The following PCDHA5 variants were observed in gnomAD, a reference collection of about 807,000 sequenced individuals.
PCDHA5 encodes the protein protocadherin alpha 5.
PCDHA5 carries 43 observed loss-of-function variants against 61.6 expected under a neutral mutation model. The observed-to-expected ratio is 0.70, with a 90% confidence interval of 0.55 to 0.90. PCDHA5 has a LOEUF of 0.90. Among genes scored for constraint, PCDHA5 ranks in the 40% least tolerant of loss-of-function variants. The pLI, the probability that PCDHA5 is intolerant of heterozygous loss-of-function variation, is 0.00. For missense variants in PCDHA5, 1,298 were observed against 1,222.7 expected, an observed-to-expected ratio of 1.06 and a Z score of -0.92; for synonymous variants, 627 against 543.9, an observed-to-expected ratio of 1.15 and a Z score of -2.13.
At chr5:140,961,347 T>TTGAGAGACCAA (rs2095606709) in intron 1 of PCDHA5, among the ~76,000 whole-genome samples, 1 of 152,216 alleles carries the variant, frequency 6.6e-6, no homozygotes, top group South Asian at 2.1e-4. Flanking sequence ...AGTGGATCCC[T>TTGAGAGACCAA]GTAGTCCCCA....
chr5:140,875,947 G>C (rs1554168112), intron 1 of PCDHA5: 1 of 1,614,184 alleles, frequency 6.2e-7, no homozygotes, highest in Admixed American at 1.7e-5. Flanking sequence ...GGGCGCTTCT[G>C]ATGCGGATAT....
At chr5:140,994,657 A>G (rs2097643468) in intron 3 of PCDHA5, among the ~76,000 whole-genome samples, 1 of 152,166 alleles carries the variant, frequency 6.6e-6, no homozygotes, top group Non-Finnish European at 1.5e-5. Flanking sequence ...GTGAGCTGAG[A>G]TCACACTACT....
intron 1 of PCDHA5, among the ~76,000 whole-genome samples, chr5:140,900,374 T>TCAAGAA (rs1554189115): frequency 1.3e-5 from 2 of 151,622 alleles, no homozygotes; most frequent in Non-Finnish European, 2.9e-5. Flanking sequence ...GCCTCCTGGG[T>TCAAGAA]TCAAGCGATT....
At chr5:140,836,354 C>T in intron 1 of PCDHA5, 2 of 1,613,672 alleles carry the variant, frequency 1.2e-6, no homozygotes, top group South Asian at 1.1e-5. Flanking sequence ...ACGGGGAGCC[C>T]TCGCTGACAG....
intron 1 of PCDHA5, among the ~76,000 whole-genome samples, chr5:140,895,233 A>G (rs2064923914): frequency 3.3e-5 from 5 of 152,070 alleles, no homozygotes; most frequent in Admixed American, 2.6e-4. Context: ...GAGTTTTCTC[A>G]TCTCTCTTTT....
intron 1 of PCDHA5, chr5:140,870,942 G>T (rs782286042): frequency 1.2e-6 from 2 of 1,613,740 alleles, no homozygotes; most frequent in Non-Finnish European, 1.7e-6. Flanking sequence ...TGCAGCCGGC[G>T]GCGGGCGGCT....
chr5:140,971,210 C>G (rs192930872), intron 1 of PCDHA5, among the ~76,000 whole-genome samples: 383 of 152,274 alleles, frequency 2.5e-3, no homozygotes, highest in Non-Finnish European at 3.7e-3. Context: ...CACTGTTACC[C>G]TCCCTCTCCT....
chr5:140,883,850 C>G (rs369951260), intron 1 of PCDHA5: 31 of 1,612,792 alleles, frequency 1.9e-5, no homozygotes, highest in African/African-American at 4.0e-5. Flanking sequence ...CCACGAGGAG[C>G]TGGAGCTGTT....
At position 140,946,611 on chromosome 5, in the gene PCDHA5, A is replaced by AATATATATATATATATAT. The variant is rs1554217734; in HGVS notation, c.2353-32334_2353-32317dup. Among the ~76,000 whole-genome samples, 487 of 86,718 alleles carry AATATATATATATATATAT rather than the reference A, an allele frequency of 5.6e-3. 17 individuals are homozygous for AATATATATATATATATAT. The highest frequency in any genetic ancestry group is 0.01 in the African/African-American group (158 of 15,660). 56.9% of individuals were successfully genotyped at this position (86,718 alleles called of 152,430 possible). The stretch of plus-strand genomic sequence containing the variant: ...GGATGAATAGATAAAGAAAATGTGA[A>AATATATATATATATATAT]ATATATATATATATATATATACAAT... On this transcript the variant is annotated intron_variant, in intron 1 of 3. Coordinates refer to ENST00000529859, the MANE Select transcript of PCDHA5 (RefSeq NM_018908.3).
intron 1 of PCDHA5, chr5:140,864,667 T>G (rs1234979234): frequency 2.6e-5 from 4 of 152,252 alleles, no homozygotes; most frequent in Non-Finnish European, 5.9e-5. Context: ...AATTACCTGT[T>G]GACTTAATTG....
chr5:140,822,739 A>C lies in PCDHA5; in HGVS notation c.964A>C (p.Met322Leu). Residue 322 changes from methionine (M) to leucine (L), a missense_variant, in exon 1 of 4, where the codon ATG becomes CTG. Transcript: ENST00000529859. ...YNSYEINIDA[M>L]DKSTFPLSGH... ...CTCATATGAAATTAATATTGATGCC[A>C]TGGATAAAAGTACATTCCCATTATC... 1 of 1,613,636 alleles carries C rather than the reference A, an allele frequency of 6.2e-7. No homozygotes were observed. Among genetic ancestry groups the C allele is most frequent in the Non-Finnish European group, 8.5e-7 (1 of 1,179,516 alleles).
chr5:140,823,533 G>A lies in PCDHA5; in HGVS notation c.1758G>A (p.Ala586=), dbSNP rs1472583465. 6.2e-6 allele frequency: 10 copies of A among 1,613,648 alleles called. No individual in the cohort carries two copies. Among genetic ancestry groups the A allele is most frequent in the Middle Eastern group, 1.7e-4 (1 of 6,020 alleles). ...AGCTGGTGCCGAGGTCAGTGGGTGCGGGCCACGTGGTGGCGAAGGTGCGCG... is the reference window on the plus strand; with the variant it reads ...AGCTGGTGCCGAGGTCAGTGGGTGCAGGCCACGTGGTGGCGAAGGTGCGCG... ...VSELVPRSVG[A]GHVVAKVRAV... Residue 586 remains alanine (A), a synonymous_variant, in exon 1 of 4, where the codon GCG becomes GCA. Coordinates refer to ENST00000529859, the MANE Select transcript of PCDHA5 (RefSeq NM_018908.3).
chr5:141,010,146 C>T lies in PCDHA5; in HGVS notation c.*209C>T. 2 of 1,584,410 alleles carry T rather than the reference C, an allele frequency of 1.3e-6. No homozygotes were observed. Among genetic ancestry groups the T allele is most frequent in the Non-Finnish European group, 1.7e-6 (2 of 1,164,258 alleles). On this transcript the variant is annotated 3_prime_UTR_variant, in exon 4 of 4. Coordinates refer to ENST00000529859, the MANE Select transcript of PCDHA5 (RefSeq NM_018908.3). ...TAAGTCTGGTGTTAACTCTTTCTCTCCACTCTGGCTTGTTTTCAGAACCTA... is the reference window on the plus strand; with the variant it reads ...TAAGTCTGGTGTTAACTCTTTCTCTTCACTCTGGCTTGTTTTCAGAACCTA...
intron 1 of PCDHA5, chr5:140,927,385 C>T (rs781913021): frequency 1.9e-6 from 3 of 1,614,098 alleles, no homozygotes; most frequent in Non-Finnish European, 1.7e-6. Flanking sequence ...CAGCCTAAGC[C>T]CCAGTCAGCA....
intron 1 of PCDHA5, among the ~76,000 whole-genome samples, chr5:140,874,119 GTTTA>G (rs1582151784): frequency 6.6e-6 from 1 of 152,064 alleles, no homozygotes; most frequent in Non-Finnish European, 1.5e-5. Flanking sequence ...ACGTTTTATA[GTTTA>G]TTTAAGTTAT....
chr5:140,871,413 C>A (rs2053063966), intron 1 of PCDHA5: 1 of 1,614,002 alleles, frequency 6.2e-7, no homozygotes, highest in East Asian at 2.2e-5. Flanking sequence ...ACCTCATGGC[C>A]TTCAGCCCCA....
intron 1 of PCDHA5, among the ~76,000 whole-genome samples, chr5:140,879,613 T>C (rs2058057940): frequency 6.6e-6 from 1 of 152,200 alleles, no homozygotes; most frequent in Non-Finnish European, 1.5e-5. Context: ...TGTGTCCAGG[T>C]ACTTAGGTGG....
chr5:141,008,872 A>C (rs1174901625), intron 3 of PCDHA5, among the ~76,000 whole-genome samples: 1 of 152,140 alleles, frequency 6.6e-6, no homozygotes, highest in Non-Finnish European at 1.5e-5. Context: ...GCTGCATCCC[A>C]CCACCCTTCA....
At chr5:141,000,944 T>C (rs2097977292) in intron 3 of PCDHA5, among the ~76,000 whole-genome samples, 1 of 152,196 alleles carries the variant, frequency 6.6e-6, no homozygotes, top group Non-Finnish European at 1.5e-5. Flanking sequence ...GGACAAATTA[T>C]CTTGCTGTAA....
Sources: gnomAD v4.1 joint callset for allele counts (sites outside exome capture counted in the v4.1 genomes callset) on GRCh38, gnomAD v4.1.1 for gene constraint, MANE v1.5 for transcripts, NCBI Gene and HGNC (gene_info 2026-07-23, HGNC 2026-07-21) for gene names.